Variants in CADPS2 observed in about 807,000 individuals in gnomAD.
CADPS2 encodes calcium dependent secretion activator 2, also known as calcium-dependent secretion activator 2.
A neutral mutation model predicts 172.5 loss-of-function variants in CADPS2; 93 were observed. The ratio of observed to expected loss-of-function variants is 0.54; its 90% CI spans 0.46 to 0.64. The LOEUF (loss-of-function observed/expected upper bound fraction) is 0.64. Among genes scored for constraint, CADPS2 ranks in the 30% least tolerant of loss-of-function variants. CADPS2 has a pLI of 0.00. For synonymous variants in CADPS2, 546 were observed against 555.2 expected (o/e 0.98, Z 0.23); for missense variants, 1,420 against 1,565.9 (o/e 0.91, Z 1.57).
At chr7:122,480,741 G>T in intron 12 of CADPS2, 111 bp downstream of exon 12, 1 of 665,508 alleles carries the variant, frequency 1.5e-6, no homozygotes, top group South Asian at 2.6e-5. Context: ...TTCTGGGTTT[G>T]GCTAGAAAGT....
intron 6 of CADPS2, among the ~76,000 whole-genome samples, chr7:122,610,908 G>A (rs569769469): frequency 2.6e-5 from 4 of 152,286 alleles, no homozygotes; most frequent in Admixed American, 2.6e-4. Flanking sequence ...GGCCACTGGA[G>A]TGACATGGTA....
intron 1 of CADPS2, among the ~76,000 whole-genome samples, chr7:122,792,257 C>G (rs1441143094): frequency 6.6e-6 from 1 of 152,130 alleles, no homozygotes; most frequent in Non-Finnish European, 1.5e-5. Flanking sequence ...AATCCTAACT[C>G]CCAAAGTGAC....
intron 1 of CADPS2, among the ~76,000 whole-genome samples, chr7:122,788,265 C>T (rs1413384384): frequency 6.6e-6 from 1 of 152,180 alleles, no homozygotes; most frequent in African/African-American, 2.4e-5. Flanking sequence ...AGAAACTCTG[C>T]TGTTTGAAAT....
At chr7:122,679,276 G>T (rs942705888) in intron 2 of CADPS2, among the ~76,000 whole-genome samples, 1 of 111,638 alleles carries the variant, frequency 9.0e-6, no homozygotes, top group South Asian at 4.2e-4. Flanking sequence ...GGGGGGGGGG[G>T]GCTCTAAAAT....
chr7:122,704,147 T>C (rs1445046027), intron 2 of CADPS2, among the ~76,000 whole-genome samples: 4 of 152,128 alleles, frequency 2.6e-5, no homozygotes, highest in East Asian at 1.9e-4. Flanking sequence ...CATTTAATCA[T>C]AGACATGATA....
intron 9 of CADPS2, among the ~76,000 whole-genome samples, chr7:122,505,010 G>C (rs1586701792): frequency 6.6e-6 from 1 of 152,140 alleles, no homozygotes; most frequent in South Asian, 2.1e-4. Context: ...TACTAAATTT[G>C]TCTATTTCTA....
chr7:122,807,752 T>C (rs746213488), intron 1 of CADPS2, among the ~76,000 whole-genome samples: 1 of 152,122 alleles, frequency 6.6e-6, no homozygotes, highest in Non-Finnish European at 1.5e-5. Context: ...TTCCTCTGTG[T>C]GCACATACAA....
At chr7:122,725,853 G>A (rs190017508) in intron 2 of CADPS2, among the ~76,000 whole-genome samples, 1 of 151,940 alleles carries the variant, frequency 6.6e-6, no homozygotes, top group East Asian at 1.9e-4. Flanking sequence ...GAAACAGGAA[G>A]TACTTAAGAG....
Position 122,608,009 on chromosome 7 carries a change from G to T in CADPS2, c.1223+7172C>A, listed in dbSNP as rs539219589. 3.3e-5 allele frequency among the ~76,000 whole-genome samples: 5 copies of T among 152,134 alleles called. 1 individual carries two copies. Among genetic ancestry groups the T allele is most frequent in the African/African-American group, 1.2e-4 (5 of 41,520 alleles). Reference sequence around the variant, plus strand: ...CGAGGTGGGTGGATCACGAGGTCAAGAGATCAAGACCATCCTGGCCAACAC... The same window carrying T: ...CGAGGTGGGTGGATCACGAGGTCAATAGATCAAGACCATCCTGGCCAACAC... On this transcript the variant is annotated intron_variant, in intron 6 of 29. Coordinates refer to ENST00000449022, the MANE Select transcript of CADPS2 (RefSeq NM_017954.11).
intron 8 of CADPS2, among the ~76,000 whole-genome samples, chr7:122,515,109 TG>T (rs1426669886): frequency 1.3e-5 from 2 of 152,144 alleles, no homozygotes. Flanking sequence ...ATCACCCAAA[TG>T]GTCCAAACCA....
At chr7:122,320,465 C>G in intron 29 of CADPS2, 127 bp from the exon 30 acceptor site, 1 of 596,100 alleles carries the variant, frequency 1.7e-6, no homozygotes, top group Non-Finnish European at 2.7e-6. Flanking sequence ...GCTGTCCATG[C>G]CAATCATCTT....
At chr7:122,708,844 G>A (rs886360670) in intron 2 of CADPS2, among the ~76,000 whole-genome samples, 11 of 151,686 alleles carry the variant, frequency 7.3e-5, no homozygotes, top group South Asian at 4.2e-4. Context: ...GGGAAGTAAC[G>A]GGGGGAAAAA....
At chr7:122,835,196 A>G (rs1339054616) in intron 1 of CADPS2, among the ~76,000 whole-genome samples, 1 of 152,170 alleles carries the variant, frequency 6.6e-6, no homozygotes, top group Non-Finnish European at 1.5e-5. Flanking sequence ...ACCTTCCACA[A>G]ACTCCAACAG....
At chr7:122,643,241 G>T (rs1001821451) in intron 3 of CADPS2, among the ~76,000 whole-genome samples, 1 of 152,160 alleles carries the variant, frequency 6.6e-6, no homozygotes, top group South Asian at 2.1e-4. Flanking sequence ...ATGGTCAAAA[G>T]TTTTATTAAG....
At chr7:122,754,497 A>T (rs565133902) in intron 1 of CADPS2, among the ~76,000 whole-genome samples, 3 of 152,108 alleles carry the variant, frequency 2.0e-5, no homozygotes, top group South Asian at 4.2e-4. Flanking sequence ...TTTCTTTTTG[A>T]AATGGAGTTT....
chr7:122,641,538 T>C (rs375891367), intron 3 of CADPS2, among the ~76,000 whole-genome samples: 1 of 152,134 alleles, frequency 6.6e-6, no homozygotes, highest in Non-Finnish European at 1.5e-5. Flanking sequence ...GGGTGATTAA[T>C]TGAAAAGAGA....
At chr7:122,394,028 T>C (rs1287065588) in intron 20 of CADPS2, among the ~76,000 whole-genome samples, 4 of 152,212 alleles carry the variant, frequency 2.6e-5, no homozygotes, top group African/African-American at 4.8e-5. Context: ...GCTTGATGAC[T>C]TGTAAAAGCT....
intron 1 of CADPS2, among the ~76,000 whole-genome samples, chr7:122,880,482 TG>T (rs1822606917): frequency 2.0e-5 from 3 of 152,208 alleles, no homozygotes. Flanking sequence ...TTCCTGCACA[TG>T]GAATACCAGC....
chr7:122,833,918 G>T (rs1489800104), intron 1 of CADPS2, among the ~76,000 whole-genome samples: 1 of 152,128 alleles, frequency 6.6e-6, no homozygotes, highest in South Asian at 2.1e-4. Flanking sequence ...CATAACAATT[G>T]CTATAAGAAT....
Sources: allele counts gnomAD v4.1 joint callset (sites outside exome capture counted in the v4.1 genomes callset), GRCh38; gene constraint gnomAD v4.1.1; transcripts MANE v1.5; gene names NCBI Gene and HGNC (gene_info 2026-07-23, HGNC 2026-07-21).